SV2A: variants seen among roughly 807,000 people sequenced by gnomAD.
SV2A encodes the protein synaptic vesicle glycoprotein 2A.
SV2A carries 25 observed loss-of-function variants against 78.0 expected under a neutral mutation model. That is an observed-to-expected ratio of 0.32 (90% CI 0.23 to 0.45). The LOEUF is 0.45. Among genes scored for constraint, SV2A ranks in the 20% least tolerant of loss-of-function variants. SV2A has a pLI of 1.00. For synonymous variants in SV2A, 355 were observed against 384.7 expected (o/e 0.92, Z 0.90); for missense variants, 752 against 971.5 (o/e 0.77, Z 3.00).
chr1:149,905,882 C>G lies in SV2A; in HGVS notation c.2043G>C (p.Lys681Asn). 1 of 1,614,086 alleles carries G rather than the reference C, an allele frequency of 6.2e-7. No individual in the cohort carries two copies. Among genetic ancestry groups the G allele is most frequent in the Non-Finnish European group, 8.5e-7 (1 of 1,179,972 alleles). ...TGCCTCCAACACATTCCAACTACCT[C>G]TTGTCTGAGGGGTAGAGTTCAACAG... ...VLTVELYPSDKRTTAFGFLNA... is the reference protein window; with the variant it reads ...VLTVELYPSDNRTTAFGFLNA... The change falls in exon 12 of 13, where the codon AAG becomes AAC. Residue 681 changes from lysine to asparagine, a missense_variant and splice_region_variant. Coordinates refer to ENST00000369146, the MANE Select transcript of SV2A (RefSeq NM_014849.5).
chr1:149,909,241 G>T lies in SV2A; in HGVS notation c.1330C>A (p.Arg444=). Reference sequence around the variant, plus strand: ...CCCATCATCATCAGAGTGATGCGCCGATATTCGGGACCAAAACAGGAGAGA... The same window carrying T: ...CCCATCATCATCAGAGTGATGCGCCTATATTCGGGACCAAAACAGGAGAGA... The part of the protein sequence containing the change: ...NFLSCFGPEY[R]RITLMMMGVW... The change falls in exon 8 of 13, where the codon CGG becomes AGG. Residue 444 remains arginine, a synonymous_variant. Coordinates refer to ENST00000369146, the MANE Select transcript of SV2A (RefSeq NM_014849.5). The T allele has an allele frequency of 6.2e-7, 1 of 1,613,948 alleles. No individual in the cohort carries two copies. Among genetic ancestry groups the T allele is most frequent in the Non-Finnish European group, 8.5e-7 (1 of 1,180,016 alleles).
In SV2A at chr1:149,907,719, G is replaced by A. The variant is rs1553762968; in HGVS notation, c.1659C>T (p.Asn553=). Residue 553 remains asparagine (N), a synonymous_variant, in exon 10 of 13, where the codon AAC becomes AAT. Coordinates refer to ENST00000369146, the MANE Select transcript of SV2A (RefSeq NM_014849.5). ...CCTTACCAGTGTTATAGAACACAGT[G>A]TTGATGAATGTGCAGTTGCGGAAAA... The part of the protein sequence containing the change: ...NTFFRNCTFI[N]TVFYNTDLFE... The A allele has an allele frequency of 1.9e-6, 3 of 1,613,982 alleles. No individual in the cohort carries two copies. In the African/African-American group the frequency reaches 4.0e-5, roughly 22 times the overall value.
rs1447734314 is a variant in SV2A, at chr1:149,905,029, C to G, written c.2214G>C (p.Gly738=). The G allele has an allele frequency of 6.2e-7, 1 of 1,610,604 alleles. No homozygotes were observed. Among genetic ancestry groups the G allele is most frequent in the Admixed American group, 1.7e-5 (1 of 59,522 alleles). Residue 738 remains glycine (G), a synonymous_variant, in exon 13 of 13, where the codon GGG becomes GGC. Transcript: ENST00000369146. Reference sequence around the variant, plus strand: ...AGAGACCCCTTCACTGCAGCACCTGCCCCCGGGTCTCAGGCAGCTTCAGGG... The same window carrying G: ...AGAGACCCCTTCACTGCAGCACCTGGCCCCGGGTCTCAGGCAGCTTCAGGG... The part of the protein sequence containing the change: ...SLALKLPETR[G]QVLQ
chr1:149,917,760 A>AGGAGTCCCGGGCGAGGACG lies in SV2A; in HGVS notation c.-388_-370dup. ...TCACCTGGTCTAGGTTCCCCGGGTA[A>AGGAGTCCCGGGCGAGGACG]GGAGTCCCGGGCGAGGACGGGGGTC... On this transcript the variant is annotated 5_prime_UTR_variant, in exon 1 of 13. Transcript: ENST00000369146. 6.6e-6 allele frequency: 1 copy of AGGAGTCCCGGGCGAGGACG among 152,212 alleles called. No individual in the cohort carries two copies. Among genetic ancestry groups the AGGAGTCCCGGGCGAGGACG allele is most frequent in the Non-Finnish European group, 1.5e-5 (1 of 68,072 alleles). The allele number at this position is 152,212 out of a possible 1,614,324, so 9.4% of individuals were successfully genotyped here.
chr1:149,917,537 G>A (rs1457800228), intron 1 of SV2A, among the ~76,000 whole-genome samples: 1 of 152,124 alleles, frequency 6.6e-6, no homozygotes, highest in African/African-American at 2.4e-5. Context: ...ATGCGTGTGT[G>A]TGTGTGTGTC....
At chr1:149,911,542 G>A (rs587663646) in intron 3 of SV2A, among the ~76,000 whole-genome samples, 1 of 152,190 alleles carries the variant, frequency 6.6e-6, no homozygotes, top group Admixed American at 6.5e-5. Flanking sequence ...GTGGAGGCAG[G>A]CTCAAAAATG....
At chr1:149,909,390 CAT>C in intron 7 of SV2A, 69 bp downstream of exon 7, 1 of 1,555,652 alleles carries the variant, frequency 6.4e-7, no homozygotes, top group Non-Finnish European at 8.9e-7. Flanking sequence ...CACCCACACA[CAT>C]AGACTTCAGT....
Position 149,914,047 on chromosome 1 carries a change from C to T in SV2A, c.-207G>A, listed in dbSNP as rs587712048. 8.6e-6 allele frequency: 6 copies of T among 699,502 alleles called. No homozygotes were observed. In the African/African-American group the frequency reaches 1.1e-4, roughly 13 times the overall value. The allele number at this position is 699,502 out of a possible 1,614,324, so 43.3% of individuals were successfully genotyped here. ...GAAAAGGAAGGAGAGGAGCTTTGACCTATACCCAGTTCAGTTGGGTGGATG... is the reference window on the plus strand; with the variant it reads ...GAAAAGGAAGGAGAGGAGCTTTGACTTATACCCAGTTCAGTTGGGTGGATG... On this transcript the variant is annotated 5_prime_UTR_variant, in exon 2 of 13. Transcript: ENST00000369146.
Position 149,910,706 on chromosome 1 carries a change from G to C in SV2A, c.956-3C>G, listed in dbSNP as rs371664335. 1.1e-5 allele frequency: 17 copies of C among 1,613,728 alleles called. No homozygotes were observed. The highest frequency in any genetic ancestry group is 1.4e-5 in the Non-Finnish European group (17 of 1,179,878). On this transcript the variant is annotated splice_polypyrimidine_tract_variant and splice_region_variant and intron_variant, in intron 4 of 12. Coordinates refer to ENST00000369146, the MANE Select transcript of SV2A (RefSeq NM_014849.5). The surrounding 1 kb of genome is among the most constrained non-coding windows in gnomAD (Gnocchi z 4.2). ...AGAACCCATCTGAAAACTCCACCCT[G>C]GTAGGGAGAAAGTGACAGCATCAGC...
chr1:149,908,230 A>G (rs2092451814), intron 8 of SV2A, 24 bp from the exon 9 acceptor site: 10 of 1,602,248 alleles, frequency 6.2e-6, no homozygotes, highest in Non-Finnish European at 8.5e-6. Context: ...GACAATGGAA[A>G]CAGACAACAG....
chr1:149,908,113 G>T lies in SV2A; in HGVS notation c.1473C>A (p.Arg491=), dbSNP rs782094239. Reference sequence around the variant, plus strand: ...TGAAGTTAAAAGTTACATGCTCTACGCGCTCCCCGGGGAACACTTTGGTGC... The same window carrying T: ...TGAAGTTAAAAGTTACATGCTCTACTCGCTCCCCGGGGAACACTTTGGTGC... ...ASRTKVFPGE[R]VEHVTFNFTL... is the part of the protein sequence containing the mutation. Residue 491 remains arginine (R), a synonymous_variant, in exon 9 of 13, where the codon CGC becomes CGA. Coordinates refer to ENST00000369146, the MANE Select transcript of SV2A (RefSeq NM_014849.5). The T allele has an allele frequency of 1.9e-6, 3 of 1,614,064 alleles. No individual in the cohort carries two copies. The highest frequency in any genetic ancestry group is 2.7e-5 in the African/African-American group (2 of 74,914).
Position 149,910,015 on chromosome 1 carries a change from C to T in SV2A, c.1090-125G>A. On this transcript the variant is annotated intron_variant, in intron 5 of 12. Coordinates refer to ENST00000369146, the MANE Select transcript of SV2A (RefSeq NM_014849.5). The surrounding 1 kb of genome is among the most constrained non-coding windows in gnomAD (Gnocchi z 4.2). ...CTAAATGGTTCCCAGCCCTCAACCC[C>T]ACCACCAAGCCCTGACCTATGGGCA... The T allele has an allele frequency of 1.2e-6, 1 of 833,340 alleles. No homozygotes were observed. The highest frequency in any genetic ancestry group is 1.5e-5 in the South Asian group (1 of 64,630). The allele number at this position is 833,340 out of a possible 1,614,324, so 51.6% of individuals were successfully genotyped here.
At position 149,911,863 on chromosome 1, in the gene SV2A, A is replaced by G. The variant is rs1553763829; in HGVS notation, c.740T>C (p.Phe247Ser). The change falls in exon 3 of 13, where the codon TTC becomes TCC. Residue 247 changes from phenylalanine (F) to serine (S), a missense_variant. Phe to Ser is a radical substitution (Grantham distance 155). Around this residue, in one of 7 missense-constraint regions of SV2A, gnomAD observed 291 missense variants for 359.5 expected, o/e 0.81. Coordinates refer to ENST00000369146, the MANE Select transcript of SV2A (RefSeq NM_014849.5). ...GTAACCCTGGACAAAAGATGAGAAGAAGGCGAAGACGCTGTTGACTGAGAG... is the reference window on the plus strand; with the variant it reads ...GTAACCCTGGACAAAAGATGAGAAGGAGGCGAAGACGCTGTTGACTGAGAG... ...ISLSVNSVFA[F>S]FSSFVQGYGT... is the part of the protein sequence containing the mutation. 3 of 1,614,028 alleles carry G rather than the reference A, an allele frequency of 1.9e-6. No individual in the cohort carries two copies. Among genetic ancestry groups the G allele is most frequent in the Non-Finnish European group, 1.7e-6 (2 of 1,180,034 alleles).
chr1:149,915,207 T>G (rs1430784505), intron 1 of SV2A, among the ~76,000 whole-genome samples: 1 of 152,220 alleles, frequency 6.6e-6, no homozygotes, highest in Non-Finnish European at 1.5e-5. Flanking sequence ...AATCTCACAG[T>G]AGATACTCTA....
intron 1 of SV2A, among the ~76,000 whole-genome samples, chr1:149,915,386 AC>A (rs1553764417): frequency 6.6e-6 from 1 of 152,162 alleles, no homozygotes; most frequent in Non-Finnish European, 1.5e-5. Context: ...GCCCACATTA[AC>A]TACCTCCAGA....
intron 10 of SV2A, among the ~76,000 whole-genome samples, chr1:149,907,154 C>T (rs587642828): frequency 2.6e-5 from 4 of 152,210 alleles, no homozygotes; most frequent in Admixed American, 6.5e-5. Flanking sequence ...GTAGCGATGC[C>T]GTGGACTTAG....
rs1553762830 is a variant in SV2A at position 149,906,794 on chromosome 1, CCTT to C, written c.1738_1740del (p.Lys580del). 2 of 1,614,228 alleles carry C rather than the reference CCTT, an allele frequency of 1.2e-6. No individual in the cohort carries two copies. The highest frequency in any genetic ancestry group is 1.7e-6 in the Non-Finnish European group (2 of 1,180,052). ...CCTGTCACGTCTAGCGGGCAGCCCT[CCTT>C]GTTGTGCAGGAATGTACTGTTTATC... is the stretch of plus-strand genomic sequence containing the variant. On this transcript the variant is annotated inframe_deletion, in exon 11 of 13. Transcript: ENST00000369146.
Position 149,910,752 on chromosome 1 carries a change from GA to G in SV2A, c.956-50del. Reference sequence around the variant, plus strand: ...TCAGCAGAGAGGCCAGAGGCTGGGGGAACCCACCACAGGGAGCACAGAAGAA... The same window carrying G: ...TCAGCAGAGAGGCCAGAGGCTGGGGGACCCACCACAGGGAGCACAGAAGAA... On this transcript the variant is annotated intron_variant, in intron 4 of 12. Transcript: ENST00000369146. This position sits in a 1 kb window ranked among gnomAD's most constrained non-coding sequence, Gnocchi z 4.2. 6.2e-7 allele frequency: 1 copy of G among 1,612,386 alleles called. No homozygotes were observed. Among genetic ancestry groups the G allele is most frequent in the Non-Finnish European group, 8.5e-7 (1 of 1,178,984 alleles).
rs1325888807 is a variant in SV2A, at chr1:149,905,784, C to T, written c.2045+96G>A. ...AGAGGAGAAAATGGAAATGTATATC[C>T]TCTCACCCCTAAGGATGCTCTTCCC... On this transcript the variant is annotated intron_variant, in intron 12 of 12. Coordinates refer to ENST00000369146, the MANE Select transcript of SV2A (RefSeq NM_014849.5). The T allele has an allele frequency of 5.3e-6, 8 of 1,495,726 alleles. No homozygotes were observed. In the African/African-American group the frequency reaches 1.1e-4, roughly 21 times the overall value. The allele number at this position is 1,495,726 out of a possible 1,614,324, so 92.7% of individuals were successfully genotyped here.
Sources: allele counts gnomAD v4.1 joint callset (sites outside exome capture counted in the v4.1 genomes callset), GRCh38; gene constraint gnomAD v4.1.1; regional missense constraint gnomAD v4.1.1; non-coding constraint Gnocchi (gnomAD v3.1); transcripts MANE v1.5; gene names NCBI Gene and HGNC (gene_info 2026-07-23, HGNC 2026-07-21).